PDZD2: variants seen among roughly 807,000 people sequenced by gnomAD.
PDZD2 encodes PDZ domain-containing protein 2.
In PDZD2, 90 loss-of-function variants were observed where a neutral mutation model predicts 220.7. The ratio of observed to expected loss-of-function variants is 0.41; its 90% confidence interval spans 0.34 to 0.49. The LOEUF is 0.49. Ranked by LOEUF, PDZD2 falls within the 20% of genes least tolerant of loss-of-function variation. The probability of loss-of-function intolerance (pLI) is 0.28; values close to 1 mark genes in which losing one functional copy is unlikely to be tolerated. For missense variants in PDZD2, 3,174 were observed against 3,608.5 expected, an observed-to-expected ratio of 0.88 and a Z score of 3.08; for synonymous variants, 1,375 against 1,450.5, an observed-to-expected ratio of 0.95 and a Z score of 1.18.
intron 2 of PDZD2, among the ~76,000 whole-genome samples, chr5:31,886,649 G>GTCTGT (rs1374885513): frequency 1.3e-5 from 2 of 152,038 alleles, no homozygotes; most frequent in African/African-American, 4.8e-5. Flanking sequence ...ACTGTTACAG[G>GTCTGT]TAGAGCCCAG....
chr5:31,698,455 CA>C (rs1307631645), intron 1 of PDZD2, among the ~76,000 whole-genome samples: 1 of 149,616 alleles, frequency 6.7e-6, no homozygotes, highest in Non-Finnish European at 1.5e-5. Context: ...AAAAATTAGC[CA>C]GGCGTGGTAG....
intron 1 of PDZD2, among the ~76,000 whole-genome samples, chr5:31,695,129 TAA>T (rs77583772): frequency 2.1e-5 from 3 of 143,088 alleles, no homozygotes; most frequent in Admixed American, 1.4e-4. Context: ...GTCTCCAAAT[TAA>T]AAAAAAAAAA....
At chr5:31,772,788 G>T (rs1176858453) in intron 1 of PDZD2, among the ~76,000 whole-genome samples, 1 of 152,212 alleles carries the variant, frequency 6.6e-6, no homozygotes, top group Non-Finnish European at 1.5e-5. Flanking sequence ...CCTGTTTTTA[G>T]AAGAATTACA....
In PDZD2 at chr5:31,887,430, G is replaced by A. The variant is rs186278976; in HGVS notation, c.476+87706G>A. Among the ~76,000 whole-genome samples, 67 of 152,288 alleles carry A rather than the reference G, an allele frequency of 4.4e-4. 1 individual carries two copies. Among genetic ancestry groups the A allele is most frequent in the Admixed American group, 4.1e-3 (63 of 15,290 alleles). On this transcript the variant is annotated intron_variant, in intron 2 of 24. Coordinates refer to ENST00000438447, the MANE Select transcript of PDZD2 (RefSeq NM_178140.4). ...GAGAGACCACATTCGGAGCCTGAGA[G>A]TGGTGTGCACTTTCATCCACAGGCT...
intron 2 of PDZD2, among the ~76,000 whole-genome samples, chr5:31,958,896 G>A (rs2111676997): frequency 6.6e-6 from 1 of 152,080 alleles, no homozygotes; most frequent in Non-Finnish European, 1.5e-5. Context: ...CCAAAATGCT[G>A]GGATTACAGG....
At chr5:31,856,908 CTATATATATA>C (rs61675053) in intron 2 of PDZD2, among the ~76,000 whole-genome samples, 103 of 140,638 alleles carry the variant, frequency 7.3e-4, no homozygotes, top group African/African-American at 1.9e-3. Flanking sequence ...CTTATCAAAA[CTATATATATA>C]TATATATATA....
At chr5:31,822,048 T>C (rs1755903577) in intron 2 of PDZD2, among the ~76,000 whole-genome samples, 1 of 152,206 alleles carries the variant, frequency 6.6e-6, no homozygotes. Context: ...GGCTGCATAG[T>C]ATTCCGTGGT....
chr5:31,664,873 G>A (rs1286693444), intron 1 of PDZD2: 1 of 152,250 alleles, frequency 6.6e-6, no homozygotes, highest in Non-Finnish European at 1.5e-5. Context: ...GTGGAAGGGA[G>A]GAGATGGTGG....
At chr5:31,681,372 G>A (rs75970762) in intron 1 of PDZD2, among the ~76,000 whole-genome samples, 7,896 of 152,032 alleles carry the variant, frequency 0.052, 267 homozygotes, top group Non-Finnish European at 0.071. Flanking sequence ...TCAGCTTCCC[G>A]AGCAGCTGGG....
intron 6 of PDZD2, among the ~76,000 whole-genome samples, chr5:32,011,008 C>CAAAAAA (rs34837601): frequency 5.0e-4 from 50 of 100,296 alleles, no homozygotes; most frequent in African/African-American, 2.0e-3. Context: ...AAAAACCTCT[C>CAAAAAA]AAAAAAAAAA....
intron 1 of PDZD2, chr5:31,743,894 A>T (rs1369967009): frequency 1.3e-5 from 2 of 152,244 alleles, no homozygotes; most frequent in Non-Finnish European, 2.9e-5. Flanking sequence ...TTGAGAGGCT[A>T]GTAGGTGAGA....
chr5:31,681,945 G>A (rs1158969373), intron 1 of PDZD2, among the ~76,000 whole-genome samples: 1 of 152,190 alleles, frequency 6.6e-6, no homozygotes, highest in Non-Finnish European at 1.5e-5. Context: ...TATTGTAGTG[G>A]CATAGCTTAG....
At chr5:31,643,496 C>T (rs918939109) in intron 1 of PDZD2, among the ~76,000 whole-genome samples, 4 of 152,122 alleles carry the variant, frequency 2.6e-5, no homozygotes, top group Non-Finnish European at 5.9e-5. Flanking sequence ...CACTCACACT[C>T]GGTAACACCT....
chr5:32,051,007 T>C (rs1370209045), intron 8 of PDZD2, among the ~76,000 whole-genome samples: 1 of 152,146 alleles, frequency 6.6e-6, no homozygotes, highest in Non-Finnish European at 1.5e-5. Flanking sequence ...TTAATATAGA[T>C]ACCTACAGGT....
chr5:31,764,846 A>T (rs1751890737), intron 1 of PDZD2, among the ~76,000 whole-genome samples: 1 of 152,156 alleles, frequency 6.6e-6, no homozygotes, highest in African/African-American at 2.4e-5. Flanking sequence ...GGAGGCCAAG[A>T]TAGGCGGATC....
At chr5:31,913,496 A>G (rs930489715) in intron 2 of PDZD2, among the ~76,000 whole-genome samples, 2 of 152,318 alleles carry the variant, frequency 1.3e-5, no homozygotes, top group African/African-American at 2.4e-5. Context: ...CTAAGACCCT[A>G]AGAGTTACTA....
chr5:31,817,043 G>A (rs938270922), intron 2 of PDZD2, among the ~76,000 whole-genome samples: 1 of 152,028 alleles, frequency 6.6e-6, no homozygotes, highest in Non-Finnish European at 1.5e-5. Context: ...AACATTAGCC[G>A]GGCATGGTGA....
At chr5:31,777,887 T>G (rs1752799325) in intron 1 of PDZD2, among the ~76,000 whole-genome samples, 1 of 152,136 alleles carries the variant, frequency 6.6e-6, no homozygotes, top group Non-Finnish European at 1.5e-5. Flanking sequence ...CAATCAACAC[T>G]CTGTGTCTAG....
intron 2 of PDZD2, among the ~76,000 whole-genome samples, chr5:31,871,443 C>T (rs1341590786): frequency 6.6e-6 from 1 of 152,078 alleles, no homozygotes; most frequent in Non-Finnish European, 1.5e-5. Flanking sequence ...CCTTCATTCT[C>T]GTTTCTTGCT....
Sources: gnomAD v4.1 joint callset for allele counts (sites outside exome capture counted in the v4.1 genomes callset) on GRCh38, gnomAD v4.1.1 for gene constraint, MANE v1.5 for transcripts, NCBI Gene and HGNC (gene_info 2026-07-23, HGNC 2026-07-21) for gene names.